COL4A5: variants seen among roughly 807,000 people sequenced by gnomAD.
The protein encoded by COL4A5 is collagen type IV alpha 5 chain.
COL4A5 carries 26 observed loss-of-function variants against 130.2 expected under a neutral mutation model. The ratio of observed to expected loss-of-function variants is 0.20; its 90% CI spans 0.15 to 0.28. The LOEUF (loss-of-function observed/expected upper bound fraction) is 0.28. Among genes scored for constraint, COL4A5 ranks in the 10% least tolerant of loss-of-function variants. The pLI is 1.00. For missense variants in COL4A5, 1,131 were observed against 1,344.3 expected (o/e 0.84, Z 2.48); for synonymous variants, 496 against 439.6 (o/e 1.13, Z -1.60).
chrX:108,626,628 G>A (rs1015074323), intron 36 of COL4A5: 37 of 1,057,766 alleles, frequency 3.5e-5, no homozygotes, highest in Non-Finnish European at 4.0e-5. Context: ...AGATTTTTCT[G>A]GTCTTGTTAG....
At chrX:108,661,210 CTG>C (rs2067952436) in intron 37 of COL4A5, among the ~76,000 whole-genome samples, 1 of 111,786 alleles carries the variant, frequency 8.9e-6, no homozygotes, top group African/African-American at 3.3e-5. Context: ...TGACACATAA[CTG>C]TATTTCTTCT....
intron 10 of COL4A5, among the ~76,000 whole-genome samples, 192 bp downstream of exon 10, chrX:108,576,164 G>T (rs180937717): frequency 9.0e-6 from 1 of 111,646 alleles, no homozygotes; most frequent in African/African-American, 3.2e-5. Context: ...CCATTTTATA[G>T]ATGGAAAAAT....
chrX:108,692,959 T>C, intron 50 of COL4A5, 34 bp downstream of exon 50: 1 of 1,198,321 alleles, frequency 8.3e-7, no homozygotes, highest in Non-Finnish European at 1.1e-6. Context: ...CTTTTACCAA[T>C]CCCCAGTTAG....
At chrX:108,581,075 T>C in intron 16 of COL4A5, 48 bp downstream of exon 16, 2 of 1,087,485 alleles carry the variant, frequency 1.8e-6, no homozygotes, top group Admixed American at 2.2e-5. Flanking sequence ...GACATTTATG[T>C]GTTGGTATAA....
intron 1 of COL4A5, among the ~76,000 whole-genome samples, chrX:108,450,794 C>T (rs1338430819): frequency 9.1e-6 from 1 of 110,424 alleles, no homozygotes; most frequent in Non-Finnish European, 1.9e-5. Context: ...CAAGATAGAT[C>T]GAGTTTAATG....
intron 2 of COL4A5, among the ~76,000 whole-genome samples, chrX:108,545,524 C>A (rs952714640): frequency 9.0e-6 from 1 of 111,560 alleles, no homozygotes; most frequent in African/African-American, 3.3e-5. Context: ...TGCTTTACTT[C>A]CAATGATGTG....
chrX:108,530,164 T>A (rs1026021121), intron 1 of COL4A5, among the ~76,000 whole-genome samples: 1 of 111,283 alleles, frequency 9.0e-6, no homozygotes, highest in Non-Finnish European at 1.9e-5. Flanking sequence ...ACAATATAAG[T>A]CTCAACAAAT....
chrX:108,549,095 C>T (rs899395634), intron 2 of COL4A5, among the ~76,000 whole-genome samples: 1 of 111,515 alleles, frequency 9.0e-6, no homozygotes, highest in Non-Finnish European at 1.9e-5. Context: ...ATCTCTTTTC[C>T]TCTATTTATT....
intron 36 of COL4A5, among the ~76,000 whole-genome samples, chrX:108,642,215 C>T (rs190865682): frequency 2.4e-4 from 26 of 110,637 alleles, no homozygotes; most frequent in African/African-American, 8.6e-4. Flanking sequence ...CTCCATCCCC[C>T]ACAGCAGCCA....
intron 31 of COL4A5, among the ~76,000 whole-genome samples, chrX:108,621,418 A>G (rs1471615482): frequency 2.8e-5 from 3 of 107,977 alleles, no homozygotes; most frequent in South Asian, 4.1e-4. Context: ...TCCCACCTCA[A>G]CCTCCCAAAG....
chrX:108,534,926 C>A (rs952805523), intron 1 of COL4A5, among the ~76,000 whole-genome samples: 1 of 110,822 alleles, frequency 9.0e-6, no homozygotes, highest in African/African-American at 3.3e-5. Context: ...CTCACCTCTT[C>A]TAGAATCCCA....
At chrX:108,602,939 TA>T (rs1386688866) in intron 27 of COL4A5, 24 bp from the exon 28 acceptor site, 1 of 1,076,935 alleles carries the variant, frequency 9.3e-7, no homozygotes, top group Non-Finnish European at 1.3e-6. Context: ...CTTTGGTGGT[TA>T]AAAAATGACT....
chrX:108,595,770 C>A (rs1420490006), intron 22 of COL4A5, among the ~76,000 whole-genome samples, 169 bp downstream of exon 22: 2 of 112,660 alleles, frequency 1.8e-5, no homozygotes, highest in African/African-American at 6.4e-5. Context: ...GCTCTTGTTT[C>A]TAATACCTGA....
chrX:108,617,465 T>C (rs759896146), intron 30 of COL4A5, among the ~76,000 whole-genome samples: 1 of 112,107 alleles, frequency 8.9e-6, no homozygotes, highest in African/African-American at 3.2e-5. Flanking sequence ...ATTATTTAAT[T>C]AAGCTTTTAC....
chrX:108,443,271 G>A (rs1047319657), intron 1 of COL4A5, among the ~76,000 whole-genome samples: 1 of 112,063 alleles, frequency 8.9e-6, no homozygotes, highest in East Asian at 2.8e-4. Context: ...AAAAGCAAAT[G>A]CTGTTGAAGG....
intron 44 of COL4A5, among the ~76,000 whole-genome samples, chrX:108,678,144 G>A (rs930358653): frequency 4.7e-5 from 5 of 106,938 alleles, no homozygotes; most frequent in Non-Finnish European, 9.4e-5. Context: ...TTTCTATGTT[G>A]GTTTGAGTGA....
At chrX:108,561,578 A>G (rs17280238) in intron 3 of COL4A5, among the ~76,000 whole-genome samples, 41,808 of 107,673 alleles carry the variant, frequency 0.39, 7,968 homozygotes, top group East Asian at 0.72. Flanking sequence ...AGGTAGACTG[A>G]TGAATTGATA....
At chrX:108,461,312 A>AT (rs112654186) in intron 1 of COL4A5, among the ~76,000 whole-genome samples, 3 of 110,583 alleles carry the variant, frequency 2.7e-5, no homozygotes, top group African/African-American at 6.6e-5. Context: ...AAAAGGAGGC[A>AT]TTTTTTTTCC....
chrX:108,537,584 G>T (rs2065474083), intron 1 of COL4A5, among the ~76,000 whole-genome samples: 1 of 111,584 alleles, frequency 9.0e-6, no homozygotes, highest in East Asian at 2.8e-4. Flanking sequence ...ATGAAATCCT[G>T]TCAGGTTATT....
Sources: allele counts gnomAD v4.1 joint callset (sites outside exome capture counted in the v4.1 genomes callset), GRCh38; gene constraint gnomAD v4.1.1; transcripts MANE v1.5; gene names NCBI Gene and HGNC (gene_info 2026-07-23, HGNC 2026-07-21).